NAV3: variants seen among roughly 807,000 people sequenced by gnomAD.
NAV3 encodes neuron navigator 3, also known as pore membrane and/or filament interacting like protein 1.
Under a neutral mutation model 244.7 loss-of-function variants are expected in NAV3, and 87 were observed. The observed-to-expected ratio is 0.36, with a 90% confidence interval of 0.30 to 0.42. NAV3 has a LOEUF of 0.42. NAV3 is among the 20% of genes least tolerant of loss of function. The probability of loss-of-function intolerance (pLI) is 1.00; values close to 1 mark genes in which losing one functional copy is unlikely to be tolerated. For synonymous variants in NAV3, 1,126 were observed against 1,042.2 expected, an observed-to-expected ratio of 1.08 and a Z score of -1.55; for missense variants, 2,663 against 2,893.3, an observed-to-expected ratio of 0.92 and a Z score of 1.83.
chr12:78,208,349 C>T (rs571616902), intron 39 of NAV3, among the ~76,000 whole-genome samples: 8 of 152,236 alleles, frequency 5.3e-5, no homozygotes, highest in East Asian at 3.9e-4. Flanking sequence ...CCTCCCACTA[C>T]GACTCACATC....
chr12:78,154,181 A>G (rs1254633427), intron 22 of NAV3, among the ~76,000 whole-genome samples: 1 of 140,428 alleles, frequency 7.1e-6, no homozygotes, highest in East Asian at 2.0e-4. Flanking sequence ...ACATACATAT[A>G]TAAAATACTA....
At chr12:77,714,954 T>C (rs1233056918) in intron 2 of NAV3, among the ~76,000 whole-genome samples, 1 of 152,096 alleles carries the variant, frequency 6.6e-6, no homozygotes, top group African/African-American at 2.4e-5. Context: ...ATATTTACTT[T>C]TCATGATTTA....
At position 77,766,734 on chromosome 12, in the gene NAV3, A is replaced by ATTTTTTTTTTTTTTTTTTTTTTTTT. The variant is rs1565805085; in HGVS notation, c.73-173585_73-173584insTTTTTTTTTTTTTTTTTTTTTTTTT. Among the ~76,000 whole-genome samples the ATTTTTTTTTTTTTTTTTTTTTTTTT allele has an allele frequency of 3.7e-5, 2 of 53,344 alleles. 1 individual carries two copies. The highest frequency in any genetic ancestry group is 1.0e-4 in the African/African-American group (2 of 19,382). The allele number at this position is 53,344 out of a possible 152,430, so 35.0% of individuals were successfully genotyped here. On this transcript the variant is annotated intron_variant, in intron 2 of 8. Transcript: ENST00000550042. ...TAGGATTCTAAAAAACAGGCAATTA[A>ATTTTTTTTTTTTTTTTTTTTTTTTT]GTTTTTTTTTTTTTTTTTTTTTTTT... is the stretch of plus-strand genomic sequence containing the variant.
chr12:77,573,560 G>A (rs1309580156), intron 2 of NAV3, among the ~76,000 whole-genome samples: 1 of 152,144 alleles, frequency 6.6e-6, no homozygotes, highest in Admixed American at 6.6e-5. Flanking sequence ...TGTTCAGCCT[G>A]CTTTTCTTCC....
intron 8 of NAV3, among the ~76,000 whole-genome samples, chr12:78,011,760 C>T (rs1739643621): frequency 6.6e-6 from 1 of 152,036 alleles, no homozygotes; most frequent in African/African-American, 2.4e-5. Flanking sequence ...TAAAGAAATT[C>T]CTGAGACTGG....
At chr12:78,086,165 G>A (rs1953627900) in intron 12 of NAV3, among the ~76,000 whole-genome samples, 1 of 152,194 alleles carries the variant, frequency 6.6e-6, no homozygotes, top group Non-Finnish European at 1.5e-5. Context: ...AAAATGTTCA[G>A]ATAGTTCCTG....
rs147856336 is a variant in NAV3, at chr12:78,084,124, A to G, written c.2636+25009A>G. Among the ~76,000 whole-genome samples the G allele has an allele frequency of 4.1e-3, 618 of 152,264 alleles. 6 individuals are homozygous for G. Among genetic ancestry groups the G allele is most frequent in the African/African-American group, 0.014 (597 of 41,556 alleles). ...GACTAGTGGTGTGCACAGAAATCCT[A>G]CATTTCCCTGCTCCACTCTTTCATT... On this transcript the variant is annotated intron_variant, in intron 12 of 39. Coordinates refer to ENST00000397909, the MANE Select transcript of NAV3 (RefSeq NM_001024383.2).
At chr12:77,706,450 A>G (rs11106355) in intron 2 of NAV3, among the ~76,000 whole-genome samples, 26,284 of 151,292 alleles carry the variant, frequency 0.17, 3,188 homozygotes, top group Non-Finnish European at 0.24. Context: ...ATTGAGACCT[A>G]CGTTGAAACT....
At chr12:77,840,565 C>A (rs929236232) in intron 1 of NAV3, among the ~76,000 whole-genome samples, 1 of 152,116 alleles carries the variant, frequency 6.6e-6, no homozygotes, top group Non-Finnish European at 1.5e-5. Flanking sequence ...TCCAAAAATT[C>A]TATATCTTGG....
intron 25 of NAV3, 60 bp downstream of exon 25, chr12:78,175,487 T>C: frequency 6.3e-7 from 1 of 1,575,888 alleles, no homozygotes; most frequent in Non-Finnish European, 8.6e-7. Flanking sequence ...GTTAGGCCTT[T>C]TTCTTTGGGG....
At chr12:77,659,867 C>T (rs973926013) in intron 2 of NAV3, among the ~76,000 whole-genome samples, 4 of 151,236 alleles carry the variant, frequency 2.6e-5, no homozygotes, top group African/African-American at 9.7e-5. Flanking sequence ...AGGACAAAAA[C>T]CAAACACAGC....
At chr12:77,982,421 A>C (rs73150651) in intron 5 of NAV3, among the ~76,000 whole-genome samples, 15,327 of 147,700 alleles carry the variant, frequency 0.1, 2,314 homozygotes, top group South Asian at 0.14. Context: ...GAGTACCTAA[A>C]TATTTAAGCA....
At chr12:77,967,544 C>A (rs897628324) in intron 4 of NAV3, among the ~76,000 whole-genome samples, 2 of 152,040 alleles carry the variant, frequency 1.3e-5, no homozygotes, top group Non-Finnish European at 2.9e-5. Flanking sequence ...GTTAATTTTC[C>A]TAAACTCCAA....
At position 77,616,300 on chromosome 12, in the gene NAV3, G is replaced by A. The variant is rs867413459; in HGVS notation, c.72+44034G>A. Reference sequence around the variant, plus strand: ...TGGGCACCTGTAATCCCAGCTACTCGGGAGGCTGAGGCAGAAGAATCACTT... The same window carrying A: ...TGGGCACCTGTAATCCCAGCTACTCAGGAGGCTGAGGCAGAAGAATCACTT... On this transcript the variant is annotated intron_variant, in intron 2 of 8. Coordinates refer to the NAV3 transcript ENST00000550042. Among the ~76,000 whole-genome samples the A allele has an allele frequency of 1.1e-4, 16 of 152,116 alleles. No individual in the cohort carries two copies. In the Middle Eastern group the frequency reaches 0.01, roughly 97 times the overall value.
At chr12:77,709,321 T>C (rs989150129) in intron 2 of NAV3, among the ~76,000 whole-genome samples, 1 of 152,070 alleles carries the variant, frequency 6.6e-6, no homozygotes, top group South Asian at 2.1e-4. Context: ...TAAGAGCTAT[T>C]TATGACAAAC....
chr12:77,595,549 A>G (rs760842239), intron 2 of NAV3, among the ~76,000 whole-genome samples: 1 of 152,166 alleles, frequency 6.6e-6, no homozygotes, highest in Non-Finnish European at 1.5e-5. Flanking sequence ...TCACACATAT[A>G]AAAAATAACT....
At chr12:77,580,588 A>G (rs1186324127) in intron 2 of NAV3, among the ~76,000 whole-genome samples, 1 of 152,226 alleles carries the variant, frequency 6.6e-6, no homozygotes, top group African/African-American at 2.4e-5. Flanking sequence ...CTTTATGGCC[A>G]TGGCATATTG....
intron 2 of NAV3, among the ~76,000 whole-genome samples, chr12:77,735,552 T>A (rs780849316): frequency 2.0e-5 from 3 of 152,168 alleles, no homozygotes; most frequent in Non-Finnish European, 2.9e-5. Flanking sequence ...GATTAAAAGA[T>A]CTTCCTAGGC....
At chr12:78,103,726 T>C (rs2138254082) in intron 12 of NAV3, among the ~76,000 whole-genome samples, 1 of 152,274 alleles carries the variant, frequency 6.6e-6, no homozygotes, top group Admixed American at 6.5e-5. Context: ...ATGAGGAAGA[T>C]GCAAACGCAG....
Sources: gnomAD v4.1 joint callset for allele counts (sites outside exome capture counted in the v4.1 genomes callset) on GRCh38, gnomAD v4.1.1 for gene constraint, MANE v1.5 for transcripts, NCBI Gene and HGNC (gene_info 2026-07-23, HGNC 2026-07-21) for gene names.